Variants in NKAIN2 observed in about 807,000 individuals in gnomAD.
The protein encoded by NKAIN2 is sodium/potassium-transporting ATPase subunit beta-1-interacting protein 2.
A neutral mutation model predicts 32.6 loss-of-function variants in NKAIN2; 14 were observed. The ratio of observed to expected loss-of-function variants is 0.43; its 90% CI spans 0.28 to 0.67. The LOEUF is 0.67. Among genes scored for constraint, NKAIN2 ranks in the 30% least tolerant of loss-of-function variants. NKAIN2 has a pLI of 0.17. For synonymous variants in NKAIN2, 80 were observed against 87.2 expected, an observed-to-expected ratio of 0.92 and a Z score of 0.46; for missense variants, 198 against 258.3, an observed-to-expected ratio of 0.77 and a Z score of 1.60.
In NKAIN2 at chr6:124,476,059, AGAGAGAGTGT is replaced by A. The variant is rs1474065903; in HGVS notation, c.273+120714_273+120723del. On this transcript the variant is annotated intron_variant, in intron 3 of 6. Coordinates refer to ENST00000368417, the MANE Select transcript of NKAIN2 (RefSeq NM_001040214.3). Reference sequence around the variant, plus strand: ...GAGAGTGTGTGTGTGAGAGAGAGAGAGAGAGAGTGTGTGTGTGTGTGTGTGTGTGTGTGTG... The same window carrying A: ...GAGAGTGTGTGTGTGAGAGAGAGAGAGTGTGTGTGTGTGTGTGTGTGTGTG... Among the ~76,000 whole-genome samples the A allele has an allele frequency of 7.1e-4, 61 of 86,058 alleles. 1 individual carries two copies. In the East Asian group the frequency reaches 8.2e-3, roughly 12 times the overall value. The allele number at this position is 86,058 out of a possible 152,430, so 56.5% of individuals were successfully genotyped here.
chr6:124,748,449 A>C (rs900048644), intron 4 of NKAIN2, among the ~76,000 whole-genome samples: 6 of 151,974 alleles, frequency 3.9e-5, no homozygotes, highest in Non-Finnish European at 7.4e-5. Context: ...CCTTTGCCCC[A>C]GATTCCAAGG....
chr6:124,593,370 C>T (rs548598183), intron 3 of NKAIN2, among the ~76,000 whole-genome samples: 18 of 152,232 alleles, frequency 1.2e-4, no homozygotes, highest in African/African-American at 3.9e-4. Flanking sequence ...CTGGCTGGAC[C>T]GCTATGCATA....
At chr6:124,516,727 T>C (rs1264898697) in intron 3 of NKAIN2, among the ~76,000 whole-genome samples, 1 of 152,176 alleles carries the variant, frequency 6.6e-6, no homozygotes, top group Non-Finnish European at 1.5e-5. Context: ...CATAACCAAT[T>C]AGACACCTGC....
intron 1 of NKAIN2, among the ~76,000 whole-genome samples, chr6:124,100,400 G>T (rs1007167538): frequency 3.3e-5 from 5 of 151,910 alleles, no homozygotes; most frequent in African/African-American, 4.8e-5. Context: ...TCAGACACAT[G>T]TGTAATTCCT....
chr6:124,369,362 G>A lies in NKAIN2; in HGVS notation c.273+14015G>A, dbSNP rs9401742. 2.6e-5 allele frequency among the ~76,000 whole-genome samples: 4 copies of A among 152,188 alleles called. No individual in the cohort carries two copies. The East Asian group carries it at 7.7e-4, about 29-fold the overall frequency. ...TGAATTTTAAAAAATGGACACCACTGTAATTTTCTGAAAACCTTGAAATAA... is the reference window on the plus strand; with the variant it reads ...TGAATTTTAAAAAATGGACACCACTATAATTTTCTGAAAACCTTGAAATAA... On this transcript the variant is annotated intron_variant, in intron 3 of 6. Coordinates refer to ENST00000368417, the MANE Select transcript of NKAIN2 (RefSeq NM_001040214.3).
At chr6:124,054,173 T>C (rs1309451139) in intron 1 of NKAIN2, among the ~76,000 whole-genome samples, 7 of 152,060 alleles carry the variant, frequency 4.6e-5, no homozygotes. Context: ...CCAGGTCTTC[T>C]GATGCAAAGG....
At chr6:123,888,508 T>C (rs1773838194) in intron 1 of NKAIN2, among the ~76,000 whole-genome samples, 1 of 152,162 alleles carries the variant, frequency 6.6e-6, no homozygotes, top group Non-Finnish European at 1.5e-5. Flanking sequence ...AAGTTTGGTG[T>C]CTTATAAATC....
At chr6:124,422,119 T>C (rs1774782217) in intron 3 of NKAIN2, among the ~76,000 whole-genome samples, 1 of 152,116 alleles carries the variant, frequency 6.6e-6, no homozygotes, top group Non-Finnish European at 1.5e-5. Context: ...AAATAGTTTA[T>C]GGTATAAAAT....
At chr6:124,135,912 G>A (rs367831830) in intron 1 of NKAIN2, among the ~76,000 whole-genome samples, 5 of 152,092 alleles carry the variant, frequency 3.3e-5, no homozygotes, top group African/African-American at 1.2e-4. Flanking sequence ...AGCATTAAAT[G>A]CCTACATCAA....
chr6:124,564,703 A>C (rs1780836788), intron 3 of NKAIN2, among the ~76,000 whole-genome samples: 1 of 152,224 alleles, frequency 6.6e-6, no homozygotes, highest in South Asian at 2.1e-4. Context: ...TGGACACAGA[A>C]GAACAGGCTG....
At chr6:124,082,564 T>TA (rs914272361) in intron 1 of NKAIN2, among the ~76,000 whole-genome samples, 2 of 151,868 alleles carry the variant, frequency 1.3e-5, no homozygotes, top group Admixed American at 6.6e-5. Context: ...TTAAAATTTT[T>TA]AAAAAAACAT....
At chr6:124,077,632 C>CTT (rs879739693) in intron 1 of NKAIN2, among the ~76,000 whole-genome samples, 1 of 145,472 alleles carries the variant, frequency 6.9e-6, no homozygotes, top group African/African-American at 2.5e-5. Context: ...TTTTTAAATT[C>CTT]TTTTTTTTTT....
rs960382351 is a variant in NKAIN2, at chr6:124,313,163, A to C, written c.192+30021A>C. On this transcript the variant is annotated intron_variant, in intron 2 of 6. Transcript: ENST00000368417. ...ACTAAACTCTTTAGTAAACAGAAAAATTTTCCTTCAGTTAGTGCATCAAAT... is the reference window on the plus strand; with the variant it reads ...ACTAAACTCTTTAGTAAACAGAAAACTTTTCCTTCAGTTAGTGCATCAAAT... 1.3e-5 allele frequency among the ~76,000 whole-genome samples: 2 copies of C among 152,040 alleles called. 1 individual carries two copies. Among genetic ancestry groups the C allele is most frequent in the Middle Eastern group, 6.3e-3 (2 of 316 alleles).
chr6:124,124,481 G>A (rs1786059646), intron 1 of NKAIN2, among the ~76,000 whole-genome samples: 1 of 152,038 alleles, frequency 6.6e-6, no homozygotes, highest in Non-Finnish European at 1.5e-5. Flanking sequence ...GATTAATATA[G>A]CTACTTCTTT....
chr6:123,846,377 G>T (rs76922261), intron 1 of NKAIN2, among the ~76,000 whole-genome samples: 3,836 of 152,270 alleles, frequency 0.025, 93 homozygotes, highest in African/African-American at 0.069. Flanking sequence ...CTTGCTTCTA[G>T]TCTTACCAGA....
chr6:123,848,241 C>A (rs565040971), intron 1 of NKAIN2, among the ~76,000 whole-genome samples: 1 of 152,184 alleles, frequency 6.6e-6, no homozygotes, highest in African/African-American at 2.4e-5. Flanking sequence ...CAATGAGAGA[C>A]CAAGGATGAA....
intron 4 of NKAIN2, among the ~76,000 whole-genome samples, chr6:124,671,242 T>C (rs776013323): frequency 1.3e-5 from 2 of 152,124 alleles, no homozygotes; most frequent in Non-Finnish European, 2.9e-5. Context: ...GGTATCATTA[T>C]ATCTCTCCTC....
chr6:124,032,066 A>G (rs1781428519), intron 1 of NKAIN2, among the ~76,000 whole-genome samples: 1 of 152,048 alleles, frequency 6.6e-6, no homozygotes, highest in Admixed American at 6.6e-5. Context: ...CATATACACC[A>G]TGGAATACTA....
At chr6:124,017,006 T>A (rs1213155808) in intron 1 of NKAIN2, among the ~76,000 whole-genome samples, 1 of 152,174 alleles carries the variant, frequency 6.6e-6, no homozygotes, top group Non-Finnish European at 1.5e-5. Context: ...TGTTCTCACA[T>A]GGCTAGTAAA....
Sources: allele counts gnomAD v4.1 joint callset (sites outside exome capture counted in the v4.1 genomes callset), GRCh38; gene constraint gnomAD v4.1.1; transcripts MANE v1.5; gene names NCBI Gene and HGNC (gene_info 2026-07-23, HGNC 2026-07-21).